OSBPL5: variants seen among roughly 807,000 people sequenced by gnomAD.
The protein encoded by OSBPL5 is oxysterol-binding protein-related protein 5.
OSBPL5 carries 71 observed loss-of-function variants against 111.2 expected under a neutral mutation model. That is an observed-to-expected ratio of 0.64 (90% CI 0.53 to 0.78). The LOEUF (loss-of-function observed/expected upper bound fraction) is 0.78, where lower values mean the gene tolerates loss of function less well. Ranked by LOEUF, OSBPL5 falls within the 30% of genes least tolerant of loss-of-function variation. The pLI, the probability that OSBPL5 is intolerant of heterozygous loss-of-function variation, is 0.00. For missense variants in OSBPL5, 1,210 were observed against 1,189.3 expected (o/e 1.02, Z -0.26); for synonymous variants, 549 against 513.9 (o/e 1.07, Z -0.93).
chr11:3,123,341 A>G (rs977941952), intron 3 of OSBPL5, among the ~76,000 whole-genome samples: 2 of 152,210 alleles, frequency 1.3e-5, no homozygotes, highest in African/African-American at 4.8e-5. Context: ...CAGCTTCCAC[A>G]GTTTTAATCA....
At position 3,121,939 on chromosome 11, in the gene OSBPL5, T is replaced by C; in HGVS notation, c.402+58A>G. ...AGGCCACCTGGTTTATGGTCCTTTG[T>C]TATGGCAGCAGCACGCTGACCCGTG... On this transcript the variant is annotated intron_variant, in intron 5 of 21. Transcript: ENST00000263650. The surrounding 1 kb of genome is among the most constrained non-coding windows in gnomAD (Gnocchi z 4.3). 6.9e-7 allele frequency: 1 copy of C among 1,457,384 alleles called. No individual in the cohort carries two copies. Among genetic ancestry groups the C allele is most frequent in the East Asian group, 2.5e-5 (1 of 40,388 alleles). 90.3% of individuals were successfully genotyped at this position (1,457,384 alleles called of 1,614,324 possible).
intron 3 of OSBPL5, among the ~76,000 whole-genome samples, chr11:3,125,174 T>C (rs1858569262): frequency 6.6e-6 from 1 of 152,238 alleles, no homozygotes; most frequent in Admixed American, 6.5e-5. Flanking sequence ...AGATGAGAAG[T>C]GCTGCTCAGA....
chr11:3,150,431 TC>T (rs1412550088), intron 1 of OSBPL5, among the ~76,000 whole-genome samples: 3 of 152,050 alleles, frequency 2.0e-5, no homozygotes, highest in Admixed American at 6.5e-5. Flanking sequence ...CAGCTCCTCC[TC>T]CTTAGGGAGG....
intron 7 of OSBPL5, among the ~76,000 whole-genome samples, chr11:3,111,944 A>G (rs2412136): frequency 0.023 from 3,283 of 142,942 alleles, 45 homozygotes; most frequent in Admixed American, 0.031. Context: ...TGAAAAGCTA[A>G]CATCCAAGCT....
In OSBPL5 at chr11:3,104,393, T is replaced by A; in HGVS notation, c.1060-16A>T. 6.2e-7 allele frequency: 1 copy of A among 1,605,026 alleles called. No homozygotes were observed. The highest frequency in any genetic ancestry group is 8.5e-7 in the Non-Finnish European group (1 of 1,179,268). On this transcript the variant is annotated splice_polypyrimidine_tract_variant and intron_variant, in intron 9 of 21. Coordinates refer to ENST00000263650, the MANE Select transcript of OSBPL5 (RefSeq NM_020896.4). This position sits in a 1 kb window ranked among gnomAD's most constrained non-coding sequence, Gnocchi z 5.0. ...CCTCGCCCAGCTGCAGCAGACAGGC[T>A]GCAGTCAGGCCCTGCCCGGAAGAGC...
intron 1 of OSBPL5, among the ~76,000 whole-genome samples, chr11:3,131,797 C>CCATG (rs1845804836): frequency 7.5e-6 from 1 of 132,718 alleles, no homozygotes; most frequent in East Asian, 2.3e-4. Context: ...ATCCACCTAC[C>CCATG]CATTCATTCA....
rs1054254314 is a variant in OSBPL5, at chr11:3,142,209, G to A, written c.-21-13040C>T. On this transcript the variant is annotated intron_variant, in intron 1 of 21. Coordinates refer to ENST00000263650, the MANE Select transcript of OSBPL5 (RefSeq NM_020896.4). The surrounding 1 kb of genome is among the most constrained non-coding windows in gnomAD (Gnocchi z 7.1). The stretch of plus-strand genomic sequence containing the variant: ...GCTGGGATTACAGGCGTGAGCCACC[G>A]TGCCCGGCCGACAGCTGGTTTCTGA... 2.6e-5 allele frequency among the ~76,000 whole-genome samples: 4 copies of A among 152,218 alleles called. No homozygotes were observed. Among genetic ancestry groups the A allele is most frequent in the Admixed American group, 1.3e-4 (2 of 15,282 alleles).
At chr11:3,108,064 C>T in intron 7 of OSBPL5, 119 bp from the exon 8 acceptor site, 14 of 1,326,608 alleles carry the variant, frequency 1.1e-5, no homozygotes, top group Non-Finnish European at 1.4e-5. Context: ...CCCCTCCATC[C>T]CAGACCCACC....
intron 1 of OSBPL5, among the ~76,000 whole-genome samples, chr11:3,157,104 C>T (rs1203056585): frequency 1.3e-5 from 2 of 152,248 alleles, no homozygotes; most frequent in Non-Finnish European, 1.5e-5. Context: ...GCCCAGGGCA[C>T]CTGGCTTCAC....
rs1858802691 is a variant in OSBPL5, at chr11:3,130,919, G to A, written c.-21-1750C>T. Among the ~76,000 whole-genome samples the A allele has an allele frequency of 2.0e-5, 3 of 152,176 alleles. No individual in the cohort carries two copies. The South Asian group carries it at 6.2e-4, about 32-fold the overall frequency. On this transcript the variant is annotated intron_variant, in intron 1 of 21. Coordinates refer to ENST00000263650, the MANE Select transcript of OSBPL5 (RefSeq NM_020896.4). The surrounding 1 kb of genome is among the most constrained non-coding windows in gnomAD (Gnocchi z 4.5). ...AGGCCGGGCTTACTCAGACAGCTGAGATTTTCTGAGCACCCAGGCTGGGCT... is the reference window on the plus strand; with the variant it reads ...AGGCCGGGCTTACTCAGACAGCTGAAATTTTCTGAGCACCCAGGCTGGGCT...
Position 3,113,081 on chromosome 11 carries a change from G to A in OSBPL5, c.692-5136C>T, listed in dbSNP as rs1324333439. On this transcript the variant is annotated intron_variant, in intron 7 of 21. Transcript: ENST00000263650. This position sits in a 1 kb window ranked among gnomAD's most constrained non-coding sequence, Gnocchi z 4.8. The stretch of plus-strand genomic sequence containing the variant: ...ATATATAAAAGGGCTCTAATTGATT[G>A]GCTTAAGAAAGTAAATGCACTTGAA... 6.6e-6 allele frequency among the ~76,000 whole-genome samples: 1 copy of A among 152,096 alleles called. No individual in the cohort carries two copies. The highest frequency in any genetic ancestry group is 1.5e-5 in the Non-Finnish European group (1 of 68,030).
chr11:3,093,860 G>C (rs749153848), intron 15 of OSBPL5, 25 bp from the exon 16 acceptor site: 13 of 1,601,058 alleles, frequency 8.1e-6, no homozygotes, highest in Middle Eastern at 1.7e-4. Context: ...CCAGAACAGA[G>C]CCCAGTGAGC....
intron 14 of OSBPL5, among the ~76,000 whole-genome samples, chr11:3,099,463 C>T (rs1857382885): frequency 6.6e-6 from 1 of 152,148 alleles, no homozygotes; most frequent in South Asian, 2.1e-4. Context: ...ACAGGGGAAA[C>T]TGTGTAGGGG....
At chr11:3,134,034 G>C (rs529450063) in intron 1 of OSBPL5, among the ~76,000 whole-genome samples, 1 of 152,212 alleles carries the variant, frequency 6.6e-6, no homozygotes, top group East Asian at 1.9e-4. Flanking sequence ...CTCTGCCCAA[G>C]CCTCGGAGGA....
At chr11:3,090,486 C>T (rs1007926446) in intron 20 of OSBPL5, 72 bp downstream of exon 20, 13 of 1,556,990 alleles carry the variant, frequency 8.3e-6, no homozygotes, top group Non-Finnish European at 1.1e-5. Flanking sequence ...CTCTGGCCTC[C>T]CCTCCAGCCA....
Position 3,122,086 on chromosome 11 carries a change from TCTC to T in OSBPL5, c.310_312del (p.Glu104del). 3 of 1,573,952 alleles carry T rather than the reference TCTC, an allele frequency of 1.9e-6. No homozygotes were observed. The highest frequency in any genetic ancestry group is 1.7e-6 in the Non-Finnish European group (2 of 1,165,068). On this transcript the variant is annotated inframe_deletion, in exon 5 of 22. Transcript: ENST00000263650. ...GCGCGCTTCTTCTCCTGCCGGTAGT[TCTC>T]CTTCTGCGCCTGGGCCCGGGGCACC... is the stretch of plus-strand genomic sequence containing the variant.
At position 3,126,149 on chromosome 11, in the gene OSBPL5, C is replaced by T. The variant is rs1052417661; in HGVS notation, c.219+324G>A. On this transcript the variant is annotated intron_variant, in intron 3 of 21. Coordinates refer to ENST00000263650, the MANE Select transcript of OSBPL5 (RefSeq NM_020896.4). The surrounding 1 kb of genome is among the most constrained non-coding windows in gnomAD (Gnocchi z 6.5). ...AGTTAAACAGACAATTTTGAGAGTT[C>T]TATATTATCCTGGAATTACCATGTG... Among the ~76,000 whole-genome samples, 5 of 152,116 alleles carry T rather than the reference C, an allele frequency of 3.3e-5. No homozygotes were observed. The highest frequency in any genetic ancestry group is 1.9e-4 in the East Asian group (1 of 5,186).
chr11:3,139,008 G>T (rs1846030931), intron 1 of OSBPL5, among the ~76,000 whole-genome samples: 1 of 152,248 alleles, frequency 6.6e-6, no homozygotes, highest in Non-Finnish European at 1.5e-5. Context: ...CCCTCCAGGG[G>T]CACCTGAGCT....
chr11:3,140,289 C>T lies in OSBPL5; in HGVS notation c.-21-11120G>A, dbSNP rs954970660. 2.0e-5 allele frequency among the ~76,000 whole-genome samples: 3 copies of T among 152,190 alleles called. No homozygotes were observed. The highest frequency in any genetic ancestry group is 4.8e-5 in the African/African-American group (2 of 41,438). ...CACAGCAATGCTCTCTGTGAAGGGC[C>T]AGCATGGTGCCACCCAGGAGTGACA... On this transcript the variant is annotated intron_variant, in intron 1 of 21. Transcript: ENST00000263650. This position sits in a 1 kb window ranked among gnomAD's most constrained non-coding sequence, Gnocchi z 4.5.
Sources: allele counts gnomAD v4.1 joint callset (sites outside exome capture counted in the v4.1 genomes callset), GRCh38; gene constraint gnomAD v4.1.1; non-coding constraint Gnocchi (gnomAD v3.1); transcripts MANE v1.5; gene names NCBI Gene and HGNC (gene_info 2026-07-23, HGNC 2026-07-21).